The following SPATA7 variants were observed in gnomAD, a reference collection of about 807,000 sequenced individuals.
SPATA7 encodes spermatogenesis associated 7.
A neutral mutation model predicts 51.8 loss-of-function variants in SPATA7; 43 were observed. The observed-to-expected ratio is 0.83, with a 90% CI of 0.65 to 1.07. The LOEUF (loss-of-function observed/expected upper bound fraction) is 1.07. SPATA7 is among the 50% of genes least tolerant of loss of function. The pLI is 0.00. For missense variants in SPATA7, 683 were observed against 701.3 expected (o/e 0.97, Z 0.30); for synonymous variants, 230 against 252.8 (o/e 0.91, Z 0.86).
chr14:88,461,235 C>T (rs1259091871), intron 4 of SPATA7, among the ~76,000 whole-genome samples: 1 of 152,192 alleles, frequency 6.6e-6, no homozygotes, highest in Non-Finnish European at 1.5e-5. Context: ...CACTTCAAAG[C>T]TGTCAGACAG....
intron 1 of SPATA7, chr14:88,386,164 TC>T: frequency 1.5e-6 from 1 of 646,894 alleles, no homozygotes; most frequent in East Asian, 3.4e-5. Context: ...GAGTCAGACC[TC>T]CCCGGGCCCC....
At chr14:88,421,322 C>T (rs908297460) in intron 5 of SPATA7, among the ~76,000 whole-genome samples, 1 of 152,060 alleles carries the variant, frequency 6.6e-6, no homozygotes, top group Non-Finnish European at 1.5e-5. Context: ...GATTCTCAAG[C>T]ATGATCTCTT....
At chr14:88,391,898 A>G (rs1288128683) in intron 2 of SPATA7, 1 of 166,218 alleles carries the variant, frequency 6.0e-6, no homozygotes, top group Non-Finnish European at 1.3e-5. Context: ...GTGCTGTGAT[A>G]TTTTTATATT....
At chr14:88,437,657 T>C in intron 11 of SPATA7, 60 bp downstream of exon 11, 1 of 1,456,666 alleles carries the variant, frequency 6.9e-7, no homozygotes, top group Non-Finnish European at 9.5e-7. Flanking sequence ...TTGTATGGTT[T>C]TTTTCATACC....
At chr14:88,428,655 CA>C (rs1167184797) in intron 7 of SPATA7, 1 of 152,138 alleles carries the variant, frequency 6.6e-6, no homozygotes, top group Non-Finnish European at 1.5e-5. Context: ...GTTAGCTTTG[CA>C]GATAACTACG....
At chr14:88,441,765 G>C (rs1435433237), downstream of SPATA7, among the ~76,000 whole-genome samples, 1 of 152,144 alleles carries the variant, frequency 6.6e-6, no homozygotes, top group Non-Finnish European at 1.5e-5. Context: ...CAGATGTATA[G>C]ATTGCAAAGA....
At chr14:88,402,396 T>C (rs981337551) in intron 4 of SPATA7, among the ~76,000 whole-genome samples, 4 of 150,588 alleles carry the variant, frequency 2.7e-5, no homozygotes, top group African/African-American at 4.9e-5. Flanking sequence ...TCAAAATATA[T>C]TTCAAAGCTA....
At chr14:88,388,830 T>A (rs2075656948) in intron 1 of SPATA7, among the ~76,000 whole-genome samples, 1 of 151,738 alleles carries the variant, frequency 6.6e-6, no homozygotes, top group African/African-American at 2.4e-5. Flanking sequence ...TGAAAGAGAG[T>A]TTCTCCCAAA....
chr14:88,411,493 G>C (rs958376193), intron 4 of SPATA7, among the ~76,000 whole-genome samples: 3 of 152,114 alleles, frequency 2.0e-5, no homozygotes, highest in Non-Finnish European at 4.4e-5. Flanking sequence ...CCAGGGCCTT[G>C]GTGGTGTAGG....
intron 4 of SPATA7, 149 bp from the exon 5 acceptor site, chr14:88,416,562 G>C: frequency 1.4e-6 from 1 of 696,986 alleles, no homozygotes; most frequent in Non-Finnish European, 2.4e-6. Flanking sequence ...AAATGTGTTA[G>C]TAACTCTTTA....
At chr14:88,468,357 T>TA (rs2077398751) in intron 4 of SPATA7, 3 of 1,293,210 alleles carry the variant, frequency 2.3e-6, no homozygotes, top group Admixed American at 2.5e-5. Flanking sequence ...GAAACCTGGT[T>TA]GGGAGATGGA....
intron 4 of SPATA7, chr14:88,467,197 C>T (rs936650793): frequency 2.4e-5 from 3 of 122,666 alleles, no homozygotes; most frequent in African/African-American, 1.1e-4. Flanking sequence ...CTTAATCTCT[C>T]CCAAAACGCT....
Position 88,438,174 on chromosome 14 carries a change from T to A in SPATA7, c.1552T>A (p.Ser518Thr). ...GAATGATGAAACAAATCTTGAAACT[T>A]CAACTTTGGATGAAAATCATCCAAG... is the stretch of plus-strand genomic sequence containing the variant. Reference protein sequence around the residue: ...QVNDETNLETSTLDENHPSIS... With the variant: ...QVNDETNLETTTLDENHPSIS... The change falls in exon 12 of 12, where the codon TCA (serine) becomes ACA (threonine). Residue 518 changes from serine (S) to threonine (T), a missense_variant. Physicochemically the swap from Ser to Thr is moderately conservative, Grantham distance 58. Transcript: ENST00000393545. 6.2e-7 allele frequency: 1 copy of A among 1,613,678 alleles called. No homozygotes were observed. Among genetic ancestry groups the A allele is most frequent in the Non-Finnish European group, 8.5e-7 (1 of 1,179,808 alleles).
At chr14:88,437,629 A>G (rs755553356) in intron 11 of SPATA7, 32 bp downstream of exon 11, 1 of 1,512,324 alleles carries the variant, frequency 6.6e-7, no homozygotes, top group Non-Finnish European at 9.1e-7. Context: ...CATTAGAAAA[A>G]TTATAATGTA....
At chr14:88,413,574 G>C (rs973579187) in intron 4 of SPATA7, among the ~76,000 whole-genome samples, 1 of 152,150 alleles carries the variant, frequency 6.6e-6, no homozygotes, top group African/African-American at 2.4e-5. Context: ...TAGGACTCCA[G>C]TAGTATGTTG....
chr14:88,443,589 G>T (rs906707586), intron 3 of SPATA7, among the ~76,000 whole-genome samples: 1 of 152,030 alleles, frequency 6.6e-6, no homozygotes. Context: ...CCACTAACTG[G>T]TCATCTAGCA....
In SPATA7 at chr14:88,463,231, G is replaced by A. The variant is rs551240927; in HGVS notation, c.255-6616G>A. 2.0e-5 allele frequency among the ~76,000 whole-genome samples: 3 copies of A among 152,230 alleles called. No homozygotes were observed. In the South Asian group the frequency reaches 6.2e-4, roughly 32 times the overall value. On this transcript the variant is annotated intron_variant, in intron 4 of 4. Coordinates refer to the SPATA7 transcript ENST00000556406. ...TAAGGAGGACATATAAGTGGCAACA[G>A]GAAAGGTAGGGGACAGTTTTGCCAA...
intron 11 of SPATA7, 62 bp from the exon 12 acceptor site, chr14:88,437,776 C>G: frequency 1.4e-6 from 2 of 1,478,782 alleles, no homozygotes; most frequent in Non-Finnish European, 9.1e-7. Context: ...ATTTTCAGCA[C>G]TGCAGTCAAA....
downstream of SPATA7, among the ~76,000 whole-genome samples, chr14:88,442,172 C>CTGTTTGTTTGTTTGTTTGTT (rs56376187): frequency 6.7e-6 from 1 of 149,352 alleles, no homozygotes; most frequent in African/African-American, 2.5e-5. Context: ...GTCTATATGC[C>CTGTTTGTTTGTTTGTTTGTT]TGTTTGTTTG....
Sources: gnomAD v4.1 joint callset for allele counts (sites outside exome capture counted in the v4.1 genomes callset) on GRCh38, gnomAD v4.1.1 for gene constraint, MANE v1.5 for transcripts, NCBI Gene and HGNC (gene_info 2026-07-23, HGNC 2026-07-21) for gene names.